PCMTD1: variants seen among roughly 807,000 people sequenced by gnomAD.
PCMTD1 encodes protein-L-isoaspartate (D-aspartate) O-methyltransferase domain containing 1.
A neutral mutation model predicts 37.6 loss-of-function variants in PCMTD1; 12 were observed. The ratio of observed to expected loss-of-function variants is 0.32; its 90% CI spans 0.20 to 0.52. The LOEUF is 0.52. Among genes scored for constraint, PCMTD1 ranks in the 20% least tolerant of loss-of-function variants. The pLI, the probability that PCMTD1 is intolerant of heterozygous loss-of-function variation, is 0.97. For synonymous variants in PCMTD1, 117 were observed against 135.8 expected (o/e 0.86, Z 0.96); for missense variants, 235 against 421.3 (o/e 0.56, Z 3.87).
chr8:51,827,359 G>A, intron 5 of PCMTD1: 1 of 923,098 alleles, frequency 1.1e-6, no homozygotes, highest in Non-Finnish European at 1.5e-6. Flanking sequence ...GGTCAACCAA[G>A]GTCTGAAAAT....
chr8:51,857,327 G>A (rs2038405749), intron 2 of PCMTD1, among the ~76,000 whole-genome samples: 1 of 152,236 alleles, frequency 6.6e-6, no homozygotes, highest in African/African-American at 2.4e-5. Flanking sequence ...AAGAGACTAA[G>A]AGAAAGTCAT....
At chr8:51,890,928 G>C (rs1395918115) in intron 1 of PCMTD1, among the ~76,000 whole-genome samples, 1 of 152,114 alleles carries the variant, frequency 6.6e-6, no homozygotes, top group Non-Finnish European at 1.5e-5. Flanking sequence ...TACAAAGCTG[G>C]ACATTTCTAG....
At chr8:51,852,121 GA>G (rs1178148699) in intron 2 of PCMTD1, among the ~76,000 whole-genome samples, 1 of 152,154 alleles carries the variant, frequency 6.6e-6, no homozygotes, top group African/African-American at 2.4e-5. Flanking sequence ...CAGCCAATAA[GA>G]TTAACACCAC....
In PCMTD1 at chr8:51,879,930, C is replaced by A. The variant is rs111310302; in HGVS notation, c.-95-18684G>T. On this transcript the variant is annotated intron_variant, in intron 1 of 5. Coordinates refer to ENST00000522514, the MANE Select transcript of PCMTD1 (RefSeq NM_052937.4). ...AGGTGCAGTGGCTCATGCCTATAAT[C>A]CCAGAACCTTGGAATGCCAAGGCTG... Among the ~76,000 whole-genome samples the A allele has an allele frequency of 2.2e-3, 340 of 151,986 alleles. 1 individual carries two copies. Among genetic ancestry groups the A allele is most frequent in the African/African-American group, 7.8e-3 (325 of 41,426 alleles).
At chr8:51,836,496 GCTGT>G (rs1262702888) in intron 3 of PCMTD1, among the ~76,000 whole-genome samples, 4 of 151,214 alleles carry the variant, frequency 2.6e-5, no homozygotes, top group African/African-American at 9.7e-5. Context: ...TTATTTTCCT[GCTGT>G]CTTTGAATAT....
At chr8:51,862,641 T>C (rs1396248209) in intron 1 of PCMTD1, among the ~76,000 whole-genome samples, 3 of 152,100 alleles carry the variant, frequency 2.0e-5, no homozygotes, top group Admixed American at 6.5e-5. Flanking sequence ...CTCCTGACCA[T>C]AGAGAAGTAT....
intron 1 of PCMTD1, among the ~76,000 whole-genome samples, chr8:51,879,967 G>A (rs930297750): frequency 1.3e-5 from 2 of 151,772 alleles, no homozygotes; most frequent in Admixed American, 6.6e-5. Flanking sequence ...AGGATTGCTT[G>A]AGGCCAGGAG....
Position 51,831,184 on chromosome 8 carries a change from C to G in PCMTD1, c.706+260G>C, listed in dbSNP as rs529270214. Reference sequence around the variant, plus strand: ...GTGGCGGTGCACACCTGTAATCCCACCTACTTGGGTGTCTGAGGCACAAGA... The same window carrying G: ...GTGGCGGTGCACACCTGTAATCCCAGCTACTTGGGTGTCTGAGGCACAAGA... On this transcript the variant is annotated intron_variant, in intron 5 of 5. Transcript: ENST00000522514. Among the ~76,000 whole-genome samples, 27 of 151,950 alleles carry G rather than the reference C, an allele frequency of 1.8e-4. 1 individual carries two copies. Among genetic ancestry groups the G allele is most frequent in the Non-Finnish European group, 3.2e-4 (22 of 67,940 alleles).
intron 5 of PCMTD1, among the ~76,000 whole-genome samples, chr8:51,822,270 G>A (rs2037859840): frequency 6.6e-6 from 1 of 152,162 alleles, no homozygotes; most frequent in Non-Finnish European, 1.5e-5. Flanking sequence ...CTCTGACGGA[G>A]GGTGGCAGTA....
At position 51,834,677 on chromosome 8, in the gene PCMTD1, A is replaced by C. The variant is rs1338954091; in HGVS notation, c.411-988T>G. On this transcript the variant is annotated intron_variant, in intron 3 of 5. Transcript: ENST00000522514. Reference sequence around the variant, plus strand: ...TAAAAATAACACTGATTTGAATCACAATCATTTTTACTCTGTAAAATATAC... The same window carrying C: ...TAAAAATAACACTGATTTGAATCACCATCATTTTTACTCTGTAAAATATAC... Among the ~76,000 whole-genome samples, 3 of 152,170 alleles carry C rather than the reference A, an allele frequency of 2.0e-5. No individual in the cohort carries two copies. The East Asian group carries it at 5.8e-4, about 29-fold the overall frequency.
chr8:51,822,436 C>T (rs2037861952), intron 5 of PCMTD1, among the ~76,000 whole-genome samples: 1 of 152,046 alleles, frequency 6.6e-6, no homozygotes, highest in Non-Finnish European at 1.5e-5. Context: ...ATATCAGTGA[C>T]TGACATGACA....
intron 5 of PCMTD1, among the ~76,000 whole-genome samples, chr8:51,822,049 T>C (rs2037856607): frequency 6.6e-6 from 1 of 152,082 alleles, no homozygotes; most frequent in African/African-American, 2.4e-5. Context: ...TTGCTTTCTA[T>C]TGGGTGGTCA....
intron 1 of PCMTD1, among the ~76,000 whole-genome samples, chr8:51,867,280 G>C (rs1355451270): frequency 2.6e-5 from 4 of 152,002 alleles, no homozygotes; most frequent in Admixed American, 2.6e-4. Flanking sequence ...AAACAGTATG[G>C]CTAATCAGAA....
At chr8:51,874,138 T>TCC (rs1442840101) in intron 1 of PCMTD1, among the ~76,000 whole-genome samples, 5 of 152,080 alleles carry the variant, frequency 3.3e-5, no homozygotes, top group African/African-American at 1.2e-4. Context: ...CACCTCCTGA[T>TCC]CCGCCCACCT....
At chr8:51,887,542 CTA>C (rs1381580626) in intron 1 of PCMTD1, among the ~76,000 whole-genome samples, 1 of 151,932 alleles carries the variant, frequency 6.6e-6, no homozygotes, top group African/African-American at 2.4e-5. Flanking sequence ...AAAGCAATAA[CTA>C]TGTATAAACT....
intron 3 of PCMTD1, among the ~76,000 whole-genome samples, chr8:51,836,300 C>T (rs982298038): frequency 8.5e-5 from 13 of 152,086 alleles, no homozygotes; most frequent in African/African-American, 2.2e-4. Flanking sequence ...ATCTGTAATG[C>T]GCATGGGTTT....
intron 1 of PCMTD1, among the ~76,000 whole-genome samples, chr8:51,874,639 T>G (rs1030874111): frequency 1.3e-5 from 2 of 152,212 alleles, no homozygotes; most frequent in Admixed American, 6.5e-5. Flanking sequence ...ATTACCTTTA[T>G]TAACAGTGTA....
At chr8:51,863,597 G>T (rs931073963) in intron 1 of PCMTD1, among the ~76,000 whole-genome samples, 1 of 152,164 alleles carries the variant, frequency 6.6e-6, no homozygotes, top group Non-Finnish European at 1.5e-5. Flanking sequence ...GACCAGCCTG[G>T]CCAGCATGGC....
At chr8:51,843,973 T>A (rs1310650360) in intron 3 of PCMTD1, among the ~76,000 whole-genome samples, 3 of 152,188 alleles carry the variant, frequency 2.0e-5, no homozygotes, top group Non-Finnish European at 2.9e-5. Flanking sequence ...TAAATTCAAA[T>A]GTACTCAAAA....
Sources: allele counts gnomAD v4.1 joint callset (sites outside exome capture counted in the v4.1 genomes callset), GRCh38; gene constraint gnomAD v4.1.1; transcripts MANE v1.5; gene names NCBI Gene and HGNC (gene_info 2026-07-23, HGNC 2026-07-21).